The following CNBD1 variants were observed in gnomAD, a reference collection of about 807,000 sequenced individuals.
CNBD1 encodes the protein cyclic nucleotide-binding domain-containing protein 1.
CNBD1 carries 71 observed loss-of-function variants against 54.4 expected under a neutral mutation model. The observed-to-expected ratio is 1.30, with a 90% CI of 1.08 to 1.59. The LOEUF (loss-of-function observed/expected upper bound fraction) is 1.59, where lower values mean the gene tolerates loss of function less well. Among genes scored for constraint, CNBD1 ranks in the 40% most tolerant of loss-of-function variants. The pLI is 0.00. For synonymous variants in CNBD1, 182 were observed against 170.7 expected (o/e 1.07, Z -0.51); for missense variants, 659 against 518.0 (o/e 1.27, Z -2.64).
intron 6 of CNBD1, among the ~76,000 whole-genome samples, chr8:87,277,111 T>C (rs1188639193): frequency 2.6e-5 from 4 of 151,636 alleles, no homozygotes; most frequent in Non-Finnish European, 5.9e-5. Context: ...TGTATATGTA[T>C]AGATTTATTA....
chr8:87,393,351 A>G (rs1811347323), intron 2 of CNBD1, among the ~76,000 whole-genome samples: 1 of 151,940 alleles, frequency 6.6e-6, no homozygotes, highest in Non-Finnish European at 1.5e-5. Context: ...CTGTGCTGCC[A>G]ATTAGATAAG....
At chr8:87,049,973 A>T (rs140640828) in intron 4 of CNBD1, among the ~76,000 whole-genome samples, 6 of 152,192 alleles carry the variant, frequency 3.9e-5, no homozygotes, top group African/African-American at 1.4e-4. Flanking sequence ...AAAACTCCCA[A>T]GGCTATTTCT....
intron 6 of CNBD1, among the ~76,000 whole-genome samples, chr8:87,256,001 ATATATATATATATATTTTTTTT>A (rs1266323305): frequency 1.2e-4 from 2 of 16,510 alleles, no homozygotes; most frequent in Non-Finnish European, 2.1e-4. Flanking sequence ...ATATATATAT[ATATATATATATATATTTTTTTT>A]TTTTTTTTTT....
chr8:87,055,853 C>T (rs1810404063), intron 4 of CNBD1, among the ~76,000 whole-genome samples: 1 of 145,982 alleles, frequency 6.9e-6, no homozygotes, highest in South Asian at 2.3e-4. Flanking sequence ...TCCTTCCTCC[C>T]TCCCTCCCTC....
At chr8:87,375,992 A>C (rs1028367509) in intron 10 of CNBD1, among the ~76,000 whole-genome samples, 3 of 151,926 alleles carry the variant, frequency 2.0e-5, no homozygotes, top group African/African-American at 4.8e-5. Flanking sequence ...CTAATATTTA[A>C]TTATGTTGGT....
At chr8:87,226,338 G>A (rs978457340) in intron 5 of CNBD1, among the ~76,000 whole-genome samples, 5 of 150,456 alleles carry the variant, frequency 3.3e-5, no homozygotes, top group African/African-American at 1.0e-4. Context: ...ATGTTAGGGT[G>A]TCAATTTTGG....
intron 4 of CNBD1, among the ~76,000 whole-genome samples, chr8:87,118,665 C>G (rs1030999270): frequency 6.6e-6 from 1 of 152,064 alleles, no homozygotes; most frequent in South Asian, 2.1e-4. Context: ...GTGAAGGTAC[C>G]TTGGCATGAT....
intron 4 of CNBD1, among the ~76,000 whole-genome samples, chr8:87,173,362 T>C (rs138483636): frequency 6.6e-6 from 1 of 152,314 alleles, no homozygotes; most frequent in African/African-American, 2.4e-5. Context: ...TCTGTGTACT[T>C]ACTATTGCCA....
intron 4 of CNBD1, among the ~76,000 whole-genome samples, chr8:87,052,560 T>C (rs1810332842): frequency 6.6e-6 from 1 of 152,194 alleles, no homozygotes; most frequent in Non-Finnish European, 1.5e-5. Context: ...TCTTAAGGGG[T>C]ACTGCCTCAC....
chr8:87,421,700 G>A (rs1462673320), intron 2 of CNBD1, among the ~76,000 whole-genome samples: 58 of 150,882 alleles, frequency 3.8e-4, no homozygotes, highest in African/African-American at 1.2e-3. Flanking sequence ...TTGGTTCCAA[G>A]TCTTTGCTAT....
At chr8:87,305,556 G>C (rs1809123752) in intron 8 of CNBD1, among the ~76,000 whole-genome samples, 3 of 151,990 alleles carry the variant, frequency 2.0e-5, no homozygotes, top group Non-Finnish European at 4.4e-5. Flanking sequence ...ATAAAAATAG[G>C]CACATAGACC....
intron 8 of CNBD1, among the ~76,000 whole-genome samples, chr8:87,318,499 G>A (rs1809448979): frequency 6.6e-6 from 1 of 152,038 alleles, no homozygotes; most frequent in South Asian, 2.1e-4. Flanking sequence ...ACGTTTTGAA[G>A]GAGCCCCTGC....
intron 8 of CNBD1, among the ~76,000 whole-genome samples, chr8:87,292,705 T>C (rs1025837178): frequency 6.6e-6 from 1 of 152,192 alleles, no homozygotes; most frequent in Non-Finnish European, 1.5e-5. Context: ...GAATCCTTTG[T>C]AAAAGTTTTA....
In CNBD1 at chr8:87,244,757, C is replaced by A. The variant is rs145911918; in HGVS notation, c.771+7645C>A. 2.8e-4 allele frequency among the ~76,000 whole-genome samples: 42 copies of A among 152,114 alleles called. No individual in the cohort carries two copies. In the East Asian group the frequency reaches 7.3e-3, roughly 27 times the overall value. On this transcript the variant is annotated intron_variant, in intron 6 of 10. Coordinates refer to ENST00000518476, the MANE Select transcript of CNBD1 (RefSeq NM_173538.3). ...ATGCGTAGTATAAGTATGCTAGGAGCTTTTAAGGTGTTCAATAAGAATAAA... is the reference window on the plus strand; with the variant it reads ...ATGCGTAGTATAAGTATGCTAGGAGATTTTAAGGTGTTCAATAAGAATAAA...
intron 4 of CNBD1, among the ~76,000 whole-genome samples, chr8:87,072,679 G>A (rs548187835): frequency 3.1e-4 from 47 of 151,760 alleles, no homozygotes; most frequent in African/African-American, 7.7e-4. Context: ...GAGGTCTTCC[G>A]TTAGTCTGAT....
rs535663784 is a variant in CNBD1, at chr8:87,424,595, T to C, written c.214-3951T>C. ...ATGTAGTTGCGCGTTTTTGCTGAGA[T>C]TCTTAATCCTGAGTTCTAGTTTGAT... is the stretch of plus-strand genomic sequence containing the variant. On this transcript the variant is annotated intron_variant, in intron 2 of 7. Transcript: ENST00000521593. Among the ~76,000 whole-genome samples, 3 of 152,298 alleles carry C rather than the reference T, an allele frequency of 2.0e-5. No homozygotes were observed. The South Asian group carries it at 6.2e-4, about 32-fold the overall frequency.
At chr8:87,136,627 T>C (rs1812235433) in intron 4 of CNBD1, among the ~76,000 whole-genome samples, 1 of 26,940 alleles carries the variant, frequency 3.7e-5, no homozygotes, top group African/African-American at 1.7e-4. Context: ...TTATATATTA[T>C]ATTTATATTA....
chr8:87,303,963 C>T (rs555238713), intron 8 of CNBD1, among the ~76,000 whole-genome samples: 28 of 152,040 alleles, frequency 1.8e-4, no homozygotes, highest in South Asian at 8.3e-4. Flanking sequence ...GTTAGAATGT[C>T]GATCATTAAA....
rs1741838567 is a variant in CNBD1 at position 87,022,145 on chromosome 8, T to A, written c.431+82391T>A. ...AAGAATTTACTGAAACAGCAGTGAG[T>A]TAAATAAAGCAAGTTTATTAGAGAG... On this transcript the variant is annotated intron_variant, in intron 4 of 10. Coordinates refer to ENST00000518476, the MANE Select transcript of CNBD1 (RefSeq NM_173538.3). Among the ~76,000 whole-genome samples the A allele has an allele frequency of 2.6e-5, 4 of 152,258 alleles. No individual in the cohort carries two copies. The South Asian group carries it at 8.3e-4, about 32-fold the overall frequency.
Sources: allele counts gnomAD v4.1 joint callset (sites outside exome capture counted in the v4.1 genomes callset), GRCh38; gene constraint gnomAD v4.1.1; transcripts MANE v1.5; gene names NCBI Gene and HGNC (gene_info 2026-07-23, HGNC 2026-07-21).